Variants in DLG4 observed in about 807,000 individuals in gnomAD.
The protein encoded by DLG4 is discs large MAGUK scaffold protein 4.
A neutral mutation model predicts 93.8 loss-of-function variants in DLG4; 7 were observed. The ratio of observed to expected loss-of-function variants is 0.07; its 90% CI spans 0.04 to 0.14. The LOEUF (loss-of-function observed/expected upper bound fraction) is 0.14. DLG4 is among the 10% of genes least tolerant of loss of function. The probability of loss-of-function intolerance (pLI) is 1.00; values close to 1 mark genes in which losing one functional copy is unlikely to be tolerated. For missense variants in DLG4, 545 were observed against 992.9 expected (o/e 0.55, Z 6.06); for synonymous variants, 341 against 387.6 (o/e 0.88, Z 1.41).
At chr17:7,206,539 C>T (rs2070472214) in intron 2 of DLG4, among the ~76,000 whole-genome samples, 1 of 152,144 alleles carries the variant, frequency 6.6e-6, no homozygotes, top group African/African-American at 2.4e-5. Context: ...CTCCTCTTCC[C>T]CCTGCTCAGG....
At chr17:7,213,825 C>T in intron 1 of DLG4, 1 of 471,170 alleles carries the variant, frequency 2.1e-6, no homozygotes, top group Non-Finnish European at 4.4e-6. Context: ...CCCCGTTGAT[C>T]GGCATCTGTT....
At chr17:7,204,771 G>A (rs1425638051) in intron 2 of DLG4, among the ~76,000 whole-genome samples, 1 of 127,554 alleles carries the variant, frequency 7.8e-6, no homozygotes, top group Non-Finnish European at 1.6e-5. Context: ...CCCTAGACTT[G>A]CCCCTCACTT....
intron 17 of DLG4, 42 bp from the exon 18 acceptor site, chr17:7,192,044 C>A: frequency 8.6e-7 from 1 of 1,167,326 alleles, no homozygotes; most frequent in Non-Finnish European, 1.2e-6. Flanking sequence ...CAGCGGGTGG[C>A]GAGAAAGGAC....
At chr17:7,202,121 T>C (rs1008275022) in intron 8 of DLG4, among the ~76,000 whole-genome samples, 3 of 152,174 alleles carry the variant, frequency 2.0e-5, no homozygotes, top group Admixed American at 2.0e-4. Flanking sequence ...TGTCACCCAG[T>C]CTGGTGGGCA....
chr17:7,191,673 C>T lies in DLG4; in HGVS notation c.1976+220G>A, dbSNP rs1048743458. 8 of 582,954 alleles carry T rather than the reference C, an allele frequency of 1.4e-5. No individual in the cohort carries two copies. Among genetic ancestry groups the T allele is most frequent in the Non-Finnish European group, 2.5e-5 (8 of 322,432 alleles). The allele number at this position is 582,954 out of a possible 1,614,324, so 36.1% of individuals were successfully genotyped here. A position where few individuals can be genotyped will look rare whatever the true frequency, so the allele number is the denominator to read the frequency against. ...GCCCTGACTCGCCCCAGCTGGTATG[C>T]CCCAGGGGCTGCTGGGAAATGTAGT... On this transcript the variant is annotated intron_variant, in intron 18 of 19. Coordinates refer to ENST00000399506, the MANE Select transcript of DLG4 (RefSeq NM_001321075.3). The surrounding 1 kb of genome is among the most constrained non-coding windows in gnomAD (Gnocchi z 6.6).
Position 7,194,308 on chromosome 17 carries a change from A to G in DLG4, c.1478+11T>C. On this transcript the variant is annotated intron_variant, in intron 12 of 19. Coordinates refer to ENST00000399506, the MANE Select transcript of DLG4 (RefSeq NM_001321075.3). The surrounding 1 kb of genome is among the most constrained non-coding windows in gnomAD (Gnocchi z 4.4). The stretch of plus-strand genomic sequence containing the variant: ...CTGTGGCAGGAAGGCTACAGAGCCC[A>G]GGAGCCTCACCGCCGTTTGCTGGGG... 1 of 1,599,288 alleles carries G rather than the reference A, an allele frequency of 6.3e-7. No individual in the cohort carries two copies. The highest frequency in any genetic ancestry group is 1.1e-5 in the South Asian group (1 of 88,688).
At chr17:7,201,980 C>T (rs948685995) in intron 8 of DLG4, among the ~76,000 whole-genome samples, 1 of 152,222 alleles carries the variant, frequency 6.6e-6, no homozygotes, top group Non-Finnish European at 1.5e-5. Flanking sequence ...GATAACTAGT[C>T]TTCACCATCT....
At position 7,208,200 on chromosome 17, in the gene DLG4, G is replaced by A; in HGVS notation, c.70C>T (p.His24Tyr). 7.6e-7 allele frequency: 1 copy of A among 1,314,512 alleles called. No homozygotes were observed. The highest frequency in any genetic ancestry group is 9.8e-7 in the Non-Finnish European group (1 of 1,022,160). The allele number at this position is 1,314,512 out of a possible 1,614,324, so 81.4% of individuals were successfully genotyped here. ...TGGTTGGGGAGGTGGGCCGGGCTGT[G>A]CTCCAGAGGGGGCGTGTCTTCATCT... ...YQDEDTPPLE[H>Y]SPAHLPNQAN... Residue 24 changes from histidine (H) to tyrosine (Y), a missense_variant, in exon 2 of 20, where the codon CAC (histidine) becomes TAC (tyrosine). By Grantham distance (83) the His-to-Tyr change is moderately conservative. This residue lies in a region of DLG4 where 49 missense variants were observed against 80.4 expected (regional missense o/e 0.61). Coordinates refer to ENST00000399506, the MANE Select transcript of DLG4 (RefSeq NM_001321075.3). The surrounding 1 kb of genome is among the most constrained non-coding windows in gnomAD (Gnocchi z 5.4).
In DLG4 at chr17:7,187,305, CGAGG is replaced by C. The variant is rs2069319299; in HGVS notation, c.*3399_*3402del. 3.5e-5 allele frequency among the ~76,000 whole-genome samples: 1 copy of C among 28,796 alleles called. No individual in the cohort carries two copies. The allele number at this position is 28,796 out of a possible 152,430, so 18.9% of individuals were successfully genotyped here. A position where few individuals can be genotyped will look rare whatever the true frequency, so the allele number is the denominator to read the frequency against. The stretch of plus-strand genomic sequence containing the variant: ...CTGTAATCCTAGCACTTTGGGAGGC[CGAGG>C]GGGGGGGGGGTGGATCACCCGAGGT... On this transcript the variant is annotated 3_prime_UTR_variant, in exon 20 of 20. Coordinates refer to ENST00000399506, the MANE Select transcript of DLG4 (RefSeq NM_001321075.3).
chr17:7,196,563 C>T lies in DLG4; in HGVS notation c.1096G>A (p.Asp366Asn), dbSNP rs1363614359. 4 of 1,613,862 alleles carry T rather than the reference C, an allele frequency of 2.5e-6. No homozygotes were observed. Among genetic ancestry groups the T allele is most frequent in the African/African-American group, 2.7e-5 (2 of 74,912 alleles). ...GDQILSVNGV[D>N]LRNASHEQAA... ...TGCTCATGGCTGGCATTTCGGAGGT[C>T]CACACCGTTGACCTAGAGAGAGGAC... Residue 366 changes from aspartate to asparagine, a missense_variant, in exon 10 of 20, where the codon GAC (aspartate) becomes AAC (asparagine). Asp to Asn is a conservative substitution (Grantham distance 23). Around this residue, in one of 5 missense-constraint regions of DLG4, gnomAD observed 428 missense variants for 741.4 expected, o/e 0.58. Transcript: ENST00000399506. The surrounding 1 kb of genome is among the most constrained non-coding windows in gnomAD (Gnocchi z 8.3).
intron 1 of DLG4, among the ~76,000 whole-genome samples, chr17:7,213,560 G>A (rs1597495898): frequency 6.6e-6 from 1 of 151,928 alleles, no homozygotes; most frequent in Admixed American, 6.6e-5. Flanking sequence ...CCAAAGATAC[G>A]GCCGGCAATC....
At chr17:7,209,336 C>T (rs2070618572) in intron 1 of DLG4, among the ~76,000 whole-genome samples, 1 of 152,156 alleles carries the variant, frequency 6.6e-6, no homozygotes, top group African/African-American at 2.4e-5. Flanking sequence ...TGGGTCCTTC[C>T]GTGTCCGCCT....
At position 7,195,852 on chromosome 17, in the gene DLG4, G is replaced by C. The variant is rs780830257; in HGVS notation, c.1301+368C>G. Reference sequence around the variant, plus strand: ...CCACAGAGCTGCGGCCCACGTCTCCGGGACTGCCCACAGGGACGTGAAGGC... The same window carrying C: ...CCACAGAGCTGCGGCCCACGTCTCCCGGACTGCCCACAGGGACGTGAAGGC... On this transcript the variant is annotated intron_variant, in intron 11 of 19. Coordinates refer to ENST00000399506, the MANE Select transcript of DLG4 (RefSeq NM_001321075.3). This position sits in a 1 kb window ranked among gnomAD's most constrained non-coding sequence, Gnocchi z 4.3. Among the ~76,000 whole-genome samples, 1 of 152,204 alleles carries C rather than the reference G, an allele frequency of 6.6e-6. No homozygotes were observed. Among genetic ancestry groups the C allele is most frequent in the Non-Finnish European group, 1.5e-5 (1 of 68,032 alleles).
At chr17:7,199,010 C>G (rs2069968275) in intron 8 of DLG4, among the ~76,000 whole-genome samples, 1 of 151,924 alleles carries the variant, frequency 6.6e-6, no homozygotes, top group South Asian at 2.1e-4. Context: ...CAAAGCAAGA[C>G]CTGCCTCCAA....
At chr17:7,217,089 C>A (rs1378971792) in intron 1 of DLG4, 29 bp downstream of exon 1, 4 of 1,284,282 alleles carry the variant, frequency 3.1e-6, no homozygotes, top group African/African-American at 1.5e-5. Context: ...TACCCTCCCC[C>A]CAGTTTATAG....
intron 1 of DLG4, 151 bp downstream of exon 1, chr17:7,216,967 G>T: frequency 1.4e-6 from 1 of 710,552 alleles, no homozygotes; most frequent in Non-Finnish European, 2.0e-6. Flanking sequence ...CATTTTCTCA[G>T]ATGTGAACCC....
At position 7,208,035 on chromosome 17, in the gene DLG4, C is replaced by G; in HGVS notation, c.96+139G>C. ...AGGGATTGCTGCAGCTCCGAGGCTC[C>G]GAGGGCCGCACTGGGGAGGGGGCCA... On this transcript the variant is annotated intron_variant, in intron 2 of 19. Coordinates refer to ENST00000399506, the MANE Select transcript of DLG4 (RefSeq NM_001321075.3). This position sits in a 1 kb window ranked among gnomAD's most constrained non-coding sequence, Gnocchi z 5.4. 7.8e-7 allele frequency: 1 copy of G among 1,277,108 alleles called. No homozygotes were observed. Among genetic ancestry groups the G allele is most frequent in the Non-Finnish European group, 9.9e-7 (1 of 1,005,638 alleles). The allele number at this position is 1,277,108 out of a possible 1,614,324, so 79.1% of individuals were successfully genotyped here.
chr17:7,196,107 G>T lies in DLG4; in HGVS notation c.1301+113C>A, dbSNP rs932320421. ...ACCCTGGCTGCGCCTCAGGCCTGGG[G>T]TGGGGAGCTAGAGCAGGCAGGGTGG... On this transcript the variant is annotated intron_variant, in intron 11 of 19. Transcript: ENST00000399506. The surrounding 1 kb of genome is among the most constrained non-coding windows in gnomAD (Gnocchi z 8.3). The T allele has an allele frequency of 1.9e-5, 14 of 735,532 alleles. No individual in the cohort carries two copies. Among genetic ancestry groups the T allele is most frequent in the Middle Eastern group, 3.8e-4 (1 of 2,642 alleles). The allele number at this position is 735,532 out of a possible 1,614,324, so 45.6% of individuals were successfully genotyped here.
rs745878018 is a variant in DLG4, at chr17:7,193,626, G to A, written c.1591+41C>T. The A allele has an allele frequency of 3.6e-5, 55 of 1,530,258 alleles. No homozygotes were observed. Among genetic ancestry groups the A allele is most frequent in the Non-Finnish European group, 4.6e-5 (53 of 1,141,292 alleles). 94.8% of individuals were successfully genotyped at this position (1,530,258 alleles called of 1,614,324 possible). A position where few individuals can be genotyped will look rare whatever the true frequency, so the allele number is the denominator to read the frequency against. Reference sequence around the variant, plus strand: ...GCTTAGGCCGAGCGCAGGGTTGGGGGAGCAGCAAGTGCTGGGGCCAAGGCA... The same window carrying A: ...GCTTAGGCCGAGCGCAGGGTTGGGGAAGCAGCAAGTGCTGGGGCCAAGGCA... On this transcript the variant is annotated intron_variant, in intron 15 of 19. Coordinates refer to ENST00000399506, the MANE Select transcript of DLG4 (RefSeq NM_001321075.3). This position sits in a 1 kb window ranked among gnomAD's most constrained non-coding sequence, Gnocchi z 6.7.
Sources: allele counts gnomAD v4.1 joint callset (sites outside exome capture counted in the v4.1 genomes callset), GRCh38; gene constraint gnomAD v4.1.1; regional missense constraint gnomAD v4.1.1; non-coding constraint Gnocchi (gnomAD v3.1); transcripts MANE v1.5; gene names NCBI Gene and HGNC (gene_info 2026-07-23, HGNC 2026-07-21).